EML6: variants seen among roughly 807,000 people sequenced by gnomAD.
EML6 encodes the protein echinoderm microtubule-associated protein-like 6.
EML6 carries 154 observed loss-of-function variants against 240.1 expected under a neutral mutation model. The observed-to-expected ratio is 0.64, with a 90% CI of 0.56 to 0.73. The LOEUF (loss-of-function observed/expected upper bound fraction) is 0.73, where lower values mean the gene tolerates loss of function less well. EML6 is among the 30% of genes least tolerant of loss of function. EML6 has a pLI of 0.00. For missense variants in EML6, 2,964 were observed against 2,474.6 expected, an observed-to-expected ratio of 1.20 and a Z score of -4.20; for synonymous variants, 1,148 against 899.0, an observed-to-expected ratio of 1.28 and a Z score of -4.95.
chr2:54,811,388 G>A (rs903479545), intron 2 of EML6, among the ~76,000 whole-genome samples: 3 of 152,140 alleles, frequency 2.0e-5, no homozygotes, highest in Admixed American at 6.5e-5. Flanking sequence ...GTCTTTTCAC[G>A]TGAATCCCCT....
chr2:54,833,718 G>A (rs957333844), intron 7 of EML6, among the ~76,000 whole-genome samples: 1 of 152,198 alleles, frequency 6.6e-6, no homozygotes, highest in African/African-American at 2.4e-5. Flanking sequence ...GGTGACTTGT[G>A]CATCTTTTGT....
At chr2:54,964,510 G>T in intron 37 of EML6, 61 bp from the exon 38 acceptor site, 5 of 1,496,848 alleles carry the variant, frequency 3.3e-6, no homozygotes, top group Non-Finnish European at 4.5e-6. Context: ...ACCAGCCTTC[G>T]TGCCTGACCA....
chr2:54,761,856 C>CT (rs140402799), intron 2 of EML6, among the ~76,000 whole-genome samples: 5,710 of 146,826 alleles, frequency 0.039, 293 homozygotes, highest in African/African-American at 0.11. Flanking sequence ...ATTAGTATTG[C>CT]TTTTTTTTTT....
chr2:54,840,325 A>T (rs1222685249), intron 7 of EML6, among the ~76,000 whole-genome samples: 5 of 152,228 alleles, frequency 3.3e-5, no homozygotes, highest in Non-Finnish European at 7.3e-5. Context: ...AAGGACTATG[A>T]TCTGAATATT....
At chr2:54,950,164 A>G (rs1314877510) in intron 29 of EML6, among the ~76,000 whole-genome samples, 1 of 152,188 alleles carries the variant, frequency 6.6e-6, no homozygotes, top group African/African-American at 2.4e-5. Flanking sequence ...AAAAATGGCA[A>G]ATATGTAGCA....
At chr2:54,763,542 A>C (rs1422520169) in intron 2 of EML6, among the ~76,000 whole-genome samples, 1 of 152,170 alleles carries the variant, frequency 6.6e-6, no homozygotes, top group Non-Finnish European at 1.5e-5. Flanking sequence ...GCTTTTAAAG[A>C]ATATTGAGAA....
At chr2:54,786,255 C>T (rs1669082953) in intron 2 of EML6, among the ~76,000 whole-genome samples, 1 of 152,106 alleles carries the variant, frequency 6.6e-6, no homozygotes, top group South Asian at 2.1e-4. Context: ...GAGGGTCATT[C>T]CCTAGGTCTC....
At chr2:54,853,095 A>T (rs1670179128) in intron 10 of EML6, among the ~76,000 whole-genome samples, 1 of 152,174 alleles carries the variant, frequency 6.6e-6, no homozygotes, top group African/African-American at 2.4e-5. Context: ...TAATCTACTG[A>T]GCCTGAATTT....
chr2:54,885,757 G>A (rs541956558), intron 17 of EML6, among the ~76,000 whole-genome samples: 176 of 151,984 alleles, frequency 1.2e-3, no homozygotes, highest in African/African-American at 3.8e-3. Context: ...GACTACAGGC[G>A]CCAGCCACCG....
At chr2:54,861,543 C>T (rs115368143) in intron 12 of EML6, among the ~76,000 whole-genome samples, 2,214 of 152,198 alleles carry the variant, frequency 0.015, 73 homozygotes, top group African/African-American at 0.05. Context: ...CATAGTCCAC[C>T]CTCCAACCCT....
chr2:54,907,275 C>G (rs1014492322), intron 24 of EML6, among the ~76,000 whole-genome samples: 13 of 152,122 alleles, frequency 8.5e-5, no homozygotes, highest in African/African-American at 2.4e-4. Flanking sequence ...CTTTGGGAGG[C>G]TGAGGTGGGT....
At chr2:54,786,645 T>C (rs986687479) in intron 2 of EML6, among the ~76,000 whole-genome samples, 1 of 152,228 alleles carries the variant, frequency 6.6e-6, no homozygotes, top group African/African-American at 2.4e-5. Context: ...ATACTGAGTT[T>C]CTGGCAAATA....
intron 2 of EML6, among the ~76,000 whole-genome samples, chr2:54,772,914 T>A (rs1668457704): frequency 6.6e-6 from 1 of 152,222 alleles, no homozygotes; most frequent in African/African-American, 2.4e-5. Flanking sequence ...TTTGGGGAAG[T>A]CTTGGAACCA....
intron 2 of EML6, among the ~76,000 whole-genome samples, chr2:54,754,120 G>A (rs993063767): frequency 6.6e-6 from 1 of 151,480 alleles, no homozygotes; most frequent in African/African-American, 2.4e-5. Context: ...GGGAGACAGA[G>A]CGAGACTCCG....
intron 16 of EML6, among the ~76,000 whole-genome samples, chr2:54,877,128 G>T (rs1402007169): frequency 6.6e-6 from 1 of 151,934 alleles, no homozygotes; most frequent in African/African-American, 2.4e-5. Flanking sequence ...GACTACAGAT[G>T]CACACTACCA....
At chr2:54,851,066 C>T (rs1234772354) in intron 10 of EML6, among the ~76,000 whole-genome samples, 1 of 152,130 alleles carries the variant, frequency 6.6e-6, no homozygotes, top group Non-Finnish European at 1.5e-5. Context: ...AATGATACCT[C>T]ATTCAGGATG....
chr2:54,820,165 A>ATAT (rs1190845512), intron 4 of EML6, among the ~76,000 whole-genome samples: 1 of 152,182 alleles, frequency 6.6e-6, no homozygotes, highest in Non-Finnish European at 1.5e-5. Flanking sequence ...TTTGTTCTAA[A>ATAT]TAATTATGGT....
chr2:54,772,551 G>A (rs1277565696), intron 2 of EML6, among the ~76,000 whole-genome samples: 3 of 152,198 alleles, frequency 2.0e-5, no homozygotes, highest in Non-Finnish European at 4.4e-5. Flanking sequence ...CCCCTAAACT[G>A]AGGCTACCTT....
intron 24 of EML6, among the ~76,000 whole-genome samples, chr2:54,908,745 A>G (rs1673479058): frequency 6.6e-6 from 1 of 152,182 alleles, no homozygotes; most frequent in African/African-American, 2.4e-5. Flanking sequence ...CCACAGGCCC[A>G]AAGTCCACAT....
Sources: allele counts gnomAD v4.1 joint callset (sites outside exome capture counted in the v4.1 genomes callset), GRCh38; gene constraint gnomAD v4.1.1; transcripts MANE v1.5; gene names NCBI Gene and HGNC (gene_info 2026-07-23, HGNC 2026-07-21).